Variants in LGSN observed in about 807,000 individuals in gnomAD.
LGSN encodes the protein lengsin.
A neutral mutation model predicts 19.5 loss-of-function variants in LGSN; 21 were observed. That is an observed-to-expected ratio of 1.07 (90% CI 0.76 to 1.55). The LOEUF (loss-of-function observed/expected upper bound fraction) is 1.55, where lower values mean the gene tolerates loss of function less well. Ranked by LOEUF, LGSN falls within the 40% of genes most tolerant of loss-of-function variation. The pLI, the probability that LGSN is intolerant of heterozygous loss-of-function variation, is 0.00. For missense variants in LGSN, 673 were observed against 608.5 expected (o/e 1.11, Z -1.12); for synonymous variants, 257 against 215.6 (o/e 1.19, Z -1.68).
At chr6:63,380,362 A>G in the LGSN span, among the ~76,000 whole-genome samples, 1 of 152,214 alleles carries the variant, frequency 6.6e-6, no homozygotes, top group African/African-American at 2.4e-5. Context: ...AATAACATCA[A>G]TTTGAATTGG....
chr6:63,342,588 G>A, the LGSN span, among the ~76,000 whole-genome samples: 1 of 152,212 alleles, frequency 6.6e-6, no homozygotes, highest in South Asian at 2.1e-4. Flanking sequence ...GAACTTGAAC[G>A]TCAGTGTCCA....
chr6:63,365,347 TA>T, the LGSN span, among the ~76,000 whole-genome samples: 1 of 152,070 alleles, frequency 6.6e-6, no homozygotes, highest in Non-Finnish European at 1.5e-5. Context: ...AAGAAATGGA[TA>T]AATTCCTGGA....
the LGSN span, among the ~76,000 whole-genome samples, chr6:63,541,529 G>A: frequency 2.0e-5 from 3 of 152,098 alleles, no homozygotes; most frequent in Non-Finnish European, 4.4e-5. Context: ...CTCCAGCCTG[G>A]GCGACCTTGT....
chr6:63,425,592 A>C, the LGSN span, among the ~76,000 whole-genome samples: 1 of 152,202 alleles, frequency 6.6e-6, no homozygotes, highest in Non-Finnish European at 1.5e-5. Flanking sequence ...ATGGAGAATA[A>C]ATCAGTTGTC....
At chr6:63,422,020 C>T in the LGSN span, among the ~76,000 whole-genome samples, 6 of 152,226 alleles carry the variant, frequency 3.9e-5, no homozygotes, top group East Asian at 9.7e-4. Context: ...CAGGAAGATA[C>T]ATATAATAGT....
chr6:63,387,822 A>T, the LGSN span, among the ~76,000 whole-genome samples: 1 of 151,526 alleles, frequency 6.6e-6, no homozygotes, highest in Non-Finnish European at 1.5e-5. Context: ...GAGTAGCTAG[A>T]TCTACAGGCA....
chr6:63,425,370 C>T, the LGSN span, among the ~76,000 whole-genome samples: 1 of 152,204 alleles, frequency 6.6e-6, no homozygotes, highest in African/African-American at 2.4e-5. Flanking sequence ...AACAATCCAG[C>T]TACCTTTCAC....
the LGSN span, among the ~76,000 whole-genome samples, chr6:63,342,292 T>G: frequency 1.3e-5 from 2 of 152,242 alleles, no homozygotes; most frequent in African/African-American, 4.8e-5. Flanking sequence ...AGAACCCCAA[T>G]TTATACATAT....
At chr6:63,443,847 A>G in the LGSN span, among the ~76,000 whole-genome samples, 1 of 151,668 alleles carries the variant, frequency 6.6e-6, no homozygotes, top group African/African-American at 2.4e-5. Context: ...GAAAGAAAAC[A>G]TAGCCATTTC....
At chr6:63,484,670 A>G in the LGSN span, among the ~76,000 whole-genome samples, 1 of 152,250 alleles carries the variant, frequency 6.6e-6, no homozygotes, top group Non-Finnish European at 1.5e-5. Flanking sequence ...ATCTAGTTTC[A>G]GATTGGCACT....
At chr6:63,401,399 C>CAA in the LGSN span, among the ~76,000 whole-genome samples, 394 of 98,564 alleles carry the variant, frequency 4.0e-3, 4 homozygotes, top group African/African-American at 0.014. Context: ...AAATCTGTCT[C>CAA]AAAAAAAAAA....
chr6:63,361,457 T>C, the LGSN span, among the ~76,000 whole-genome samples: 3 of 152,266 alleles, frequency 2.0e-5, no homozygotes, highest in Middle Eastern at 3.4e-3. Flanking sequence ...CTCCGAGTCA[T>C]GCGCAGGATA....
At chr6:63,498,487 G>T in the LGSN span, among the ~76,000 whole-genome samples, 1 of 151,976 alleles carries the variant, frequency 6.6e-6, no homozygotes, top group Non-Finnish European at 1.5e-5. Context: ...GGCTCCCATT[G>T]GAACATAAGC....
At chr6:63,432,153 GAA>G in the LGSN span, among the ~76,000 whole-genome samples, 2 of 104,336 alleles carry the variant, frequency 1.9e-5, 1 homozygote, top group Non-Finnish European at 3.8e-5. Flanking sequence ...AAGAAAGAAA[GAA>G]AGAAAGAAAG....
intron 2 of LGSN, among the ~76,000 whole-genome samples, chr6:63,289,868 ATGCTCTTTCAAGG>A (rs1767697391): frequency 6.6e-6 from 1 of 152,178 alleles, no homozygotes; most frequent in African/African-American, 2.4e-5. Flanking sequence ...ATAATGTACC[ATGCTCTTTCAAGG>A]TCCAGCCATC....
the LGSN span, among the ~76,000 whole-genome samples, chr6:63,488,102 A>T: frequency 2.0e-5 from 3 of 152,106 alleles, no homozygotes; most frequent in African/African-American, 7.2e-5. Context: ...TTTCCATATT[A>T]ATAATATCCA....
chr6:63,525,024 C>T, the LGSN span, among the ~76,000 whole-genome samples: 4 of 152,324 alleles, frequency 2.6e-5, no homozygotes, highest in East Asian at 7.7e-4. Flanking sequence ...CTTGTTCTAA[C>T]TTGATTCAGG....
the LGSN span, among the ~76,000 whole-genome samples, chr6:63,505,642 G>A: frequency 8.6e-5 from 6 of 69,782 alleles, no homozygotes; most frequent in Non-Finnish European, 1.8e-4. Flanking sequence ...AGAAATTCTG[G>A]CATTCTTTTT....
the LGSN span, among the ~76,000 whole-genome samples, chr6:63,481,231 G>A: frequency 3.3e-5 from 5 of 151,916 alleles, no homozygotes; most frequent in African/African-American, 7.3e-5. Context: ...GCGGTGCTAG[G>A]AATAAAACTA....
Sources: allele counts gnomAD v4.1 joint callset (sites outside exome capture counted in the v4.1 genomes callset), GRCh38; gene constraint gnomAD v4.1.1; transcripts MANE v1.5; gene names NCBI Gene and HGNC (gene_info 2026-07-23, HGNC 2026-07-21).